DDX1: variants seen among roughly 807,000 people sequenced by gnomAD.
DDX1 encodes the protein DEAD-box helicase 1.
A neutral mutation model predicts 108.7 loss-of-function variants in DDX1; 28 were observed. The observed-to-expected ratio is 0.26, with a 90% CI of 0.19 to 0.35. The LOEUF is 0.35. DDX1 is among the 10% of genes least tolerant of loss of function. The probability of loss-of-function intolerance (pLI) is 1.00; values close to 1 mark genes in which losing one functional copy is unlikely to be tolerated. For synonymous variants in DDX1, 295 were observed against 288.9 expected (o/e 1.02, Z -0.21); for missense variants, 710 against 884.5 (o/e 0.80, Z 2.50).
intron 20 of DDX1, 122 bp downstream of exon 20, chr2:15,627,267 C>A: frequency 1.8e-6 from 1 of 558,418 alleles, no homozygotes; most frequent in East Asian, 3.0e-5. Context: ...ATGTTTCTAC[C>A]CTAACTAATG....
At chr2:15,619,664 G>A (rs988699535) in intron 16 of DDX1, among the ~76,000 whole-genome samples, 1 of 152,190 alleles carries the variant, frequency 6.6e-6, no homozygotes, top group African/African-American at 2.4e-5. Context: ...ATACTCAAAG[G>A]TAACAGTCTT....
In DDX1 at chr2:15,595,186, A is replaced by G. The variant is rs1181084423; in HGVS notation, c.58A>G (p.Met20Val). 6.2e-7 allele frequency: 1 copy of G among 1,611,002 alleles called. No homozygotes were observed. The highest frequency in any genetic ancestry group is 1.1e-5 in the South Asian group (1 of 90,528). Residue 20 changes from methionine to valine, a missense_variant, in exon 2 of 26, where the codon ATG (methionine) becomes GTG (valine). Met to Val is a conservative substitution (Grantham distance 21). This residue lies in a region of DDX1 where 48 missense variants were observed against 57.5 expected (regional missense o/e 0.83). Coordinates refer to ENST00000233084, the MANE Select transcript of DDX1 (RefSeq NM_004939.3). ...MPEIAQAVEE[M>V]DWLLPTDIQA... ...TGAGATTGCACAAGCTGTGGAAGAG[A>G]TGGATTGGCTGTAAGTACATAAAGC...
At chr2:15,623,303 T>G (rs1261675732) in intron 18 of DDX1, 133 bp from the exon 19 acceptor site, 7 of 730,418 alleles carry the variant, frequency 9.6e-6, no homozygotes, top group Admixed American at 5.5e-5. Context: ...CTTATCTATA[T>G]ATAATACTTT....
At chr2:15,606,987 C>A (rs1201237173) in intron 12 of DDX1, among the ~76,000 whole-genome samples, 188 bp from the exon 13 acceptor site, 1 of 151,996 alleles carries the variant, frequency 6.6e-6, no homozygotes, top group Non-Finnish European at 1.5e-5. Context: ...CCCCACCAGC[C>A]CAAATAGTTT....
chr2:15,599,743 C>T (rs1241172616), intron 6 of DDX1, 27 bp downstream of exon 6: 2 of 1,551,286 alleles, frequency 1.3e-6, no homozygotes, highest in African/African-American at 1.4e-5. Context: ...TCCATCAGCT[C>T]ATTTGTAATT....
intron 6 of DDX1, among the ~76,000 whole-genome samples, chr2:15,601,697 A>G (rs1345109297): frequency 6.6e-6 from 1 of 152,246 alleles, no homozygotes; most frequent in African/African-American, 2.4e-5. Context: ...TCAGTTCTAC[A>G]TAATTCAGTA....
Position 15,603,287 on chromosome 2 carries a change from TA to T in DDX1, c.475+16del. 1 of 1,546,750 alleles carries T rather than the reference TA, an allele frequency of 6.5e-7. No individual in the cohort carries two copies. The highest frequency in any genetic ancestry group is 8.9e-7 in the Non-Finnish European group (1 of 1,123,222). ...CTCTTTGGACCTAGGTAAGTGTTTC[TA>T]AAATAACTGAATTGATTGATTTACA... On this transcript the variant is annotated intron_variant, in intron 8 of 25. Coordinates refer to ENST00000233084, the MANE Select transcript of DDX1 (RefSeq NM_004939.3).
chr2:15,602,085 A>G (rs1453335466), intron 6 of DDX1, among the ~76,000 whole-genome samples: 1 of 152,236 alleles, frequency 6.6e-6, no homozygotes, highest in Admixed American at 6.5e-5. Context: ...TTTTAGTTAT[A>G]TAGTCACTCA....
intron 16 of DDX1, among the ~76,000 whole-genome samples, chr2:15,619,690 A>G (rs1665961329): frequency 6.6e-6 from 1 of 152,240 alleles, no homozygotes; most frequent in African/African-American, 2.4e-5. Context: ...CTGCTTTTAG[A>G]AATAGAAGGA....
intron 14 of DDX1, among the ~76,000 whole-genome samples, chr2:15,616,564 T>G (rs1238075896): frequency 6.6e-6 from 1 of 152,216 alleles, no homozygotes; most frequent in Non-Finnish European, 1.5e-5. Flanking sequence ...TTATTTAGTA[T>G]TCTAAACTTC....
chr2:15,624,825 A>C (rs1362565173), intron 19 of DDX1, among the ~76,000 whole-genome samples: 1 of 152,206 alleles, frequency 6.6e-6, no homozygotes, highest in African/African-American at 2.4e-5. Context: ...GCTGTGGAGC[A>C]ACTGCATACA....
intron 19 of DDX1, among the ~76,000 whole-genome samples, chr2:15,623,840 G>A (rs1666050403): frequency 6.6e-6 from 1 of 151,934 alleles, no homozygotes; most frequent in Admixed American, 6.6e-5. Context: ...ATGGAAGAAG[G>A]ATAAAGTAAT....
chr2:15,605,102 T>G (rs551921462), intron 10 of DDX1, among the ~76,000 whole-genome samples: 1 of 152,198 alleles, frequency 6.6e-6, no homozygotes, highest in East Asian at 1.9e-4. Flanking sequence ...TAAACTTTGG[T>G]TTTTATTTTG....
In DDX1 at chr2:15,628,728, T is replaced by A; in HGVS notation, c.1832+18T>A. 14 of 1,613,542 alleles carry A rather than the reference T, an allele frequency of 8.7e-6. No homozygotes were observed. Among genetic ancestry groups the A allele is most frequent in the Admixed American group, 1.7e-5 (1 of 59,974 alleles). ...GCTGAAAGGTACTTCTGCAATTTTT[T>A]TTCCCCCATTTTTAAGCTTGTATGC... is the stretch of plus-strand genomic sequence containing the variant. On this transcript the variant is annotated intron_variant, in intron 22 of 25. Transcript: ENST00000233084.
At chr2:15,592,029 G>A (rs1411342164) in intron 1 of DDX1, 80 bp downstream of exon 1, 12 of 1,276,194 alleles carry the variant, frequency 9.4e-6, no homozygotes, top group Non-Finnish European at 1.1e-5. Flanking sequence ...GAGAGCTAAA[G>A]GGGCGGGAGC....
Position 15,620,251 on chromosome 2 carries a change from A to G in DDX1, c.1250A>G (p.Lys417Arg). The stretch of plus-strand genomic sequence containing the variant: ...ACTTTGCATTCTTTCGATGTAAAGA[A>G]ACTGTCCGAGAAGATAATGCATTTT... ...SATLHSFDVK[K>R]LSEKIMHFPT... is the part of the protein sequence containing the mutation. The change falls in exon 17 of 26, where the codon AAA (lysine) becomes AGA (arginine). Residue 417 changes from lysine (K) to arginine (R), a missense_variant. Coordinates refer to ENST00000233084, the MANE Select transcript of DDX1 (RefSeq NM_004939.3). 6.2e-7 allele frequency: 1 copy of G among 1,614,096 alleles called. No homozygotes were observed. The highest frequency in any genetic ancestry group is 8.5e-7 in the Non-Finnish European group (1 of 1,179,994).
chr2:15,607,273 A>G lies in DDX1; in HGVS notation c.916A>G (p.Ile306Val), dbSNP rs766205642. Residue 306 changes from isoleucine to valine, a missense_variant, in exon 13 of 26, where the codon ATC (isoleucine) becomes GTC (valine). Physicochemically the swap from Ile to Val is conservative, Grantham distance 29 (BLOSUM62 3). Around this residue, in one of 3 missense-constraint regions of DDX1, gnomAD observed 661 missense variants for 810.2 expected, o/e 0.82. Transcript: ENST00000233084. ...RELAEQTLNNIKQFKKYIDNP... is the reference protein window; with the variant it reads ...RELAEQTLNNVKQFKKYIDNP... Reference sequence around the variant, plus strand: ...GTTAGCTGAACAAACTTTGAACAACATCAAGCAGTTTAAGAAATACATTGA... The same window carrying G: ...GTTAGCTGAACAAACTTTGAACAACGTCAAGCAGTTTAAGAAATACATTGA... The G allele has an allele frequency of 6.2e-7, 1 of 1,612,968 alleles. No individual in the cohort carries two copies. Among genetic ancestry groups the G allele is most frequent in the African/African-American group, 1.3e-5 (1 of 75,024 alleles).
At chr2:15,612,514 C>G (rs1243064938) in intron 13 of DDX1, among the ~76,000 whole-genome samples, 2 of 151,420 alleles carry the variant, frequency 1.3e-5, no homozygotes, top group Non-Finnish European at 2.9e-5. Flanking sequence ...ACGCTCCTCA[C>G]TTTCCAGACT....
Position 15,604,452 on chromosome 2 carries a change from G to A in DDX1, c.568G>A (p.Asp190Asn). Residue 190 changes from aspartate to asparagine, a missense_variant, in exon 10 of 26, where the codon GAT becomes AAT. Asp to Asn is a conservative substitution (Grantham distance 23, BLOSUM62 1). This residue lies in a region of DDX1 where 661 missense variants were observed against 810.2 expected (regional missense o/e 0.82). Transcript: ENST00000233084. ...GGTGTTCTAGGAATTCACTATGCAT[G>A]ATACCATTGGATGTTACCTGGATAT... The part of the protein sequence containing the change: ...DNYGEEFTMH[D>N]TIGCYLDIDK... 6.2e-7 allele frequency: 1 copy of A among 1,610,108 alleles called. No homozygotes were observed. The highest frequency in any genetic ancestry group is 8.5e-7 in the Non-Finnish European group (1 of 1,176,694).
Sources: gnomAD v4.1 joint callset for allele counts (sites outside exome capture counted in the v4.1 genomes callset) on GRCh38, gnomAD v4.1.1 for gene constraint, gnomAD v4.1.1 regional missense constraint, MANE v1.5 for transcripts, NCBI Gene and HGNC (gene_info 2026-07-23, HGNC 2026-07-21) for gene names.